The following ADGRG6 variants were observed in gnomAD, a reference collection of about 807,000 sequenced individuals.
ADGRG6 encodes adhesion G protein-coupled receptor G6.
ADGRG6 carries 84 observed loss-of-function variants against 142.4 expected under a neutral mutation model. That is an observed-to-expected ratio of 0.59 (90% CI 0.49 to 0.71). ADGRG6 has a LOEUF of 0.71. ADGRG6 is among the 30% of genes least tolerant of loss of function. ADGRG6 has a pLI of 0.00. For synonymous variants in ADGRG6, 521 were observed against 520.5 expected (o/e 1.00, Z -0.01); for missense variants, 1,367 against 1,466.6 (o/e 0.93, Z 1.11).
Position 142,367,742 on chromosome 6 carries a change from A to G in ADGRG6, c.277A>G (p.Asn93Asp). The G allele has an allele frequency of 6.2e-7, 1 of 1,613,944 alleles. No homozygotes were observed. The highest frequency in any genetic ancestry group is 8.5e-7 in the Non-Finnish European group (1 of 1,179,858). ...FNDFDIEEAP[N>D]CIYDSLSLDN... ...CGACTTTGACATTGAAGAAGCTCCC[A>G]ATTGCATTTATGACTCATTATCCCT... Residue 93 changes from asparagine (N) to aspartate (D), a missense_variant, in exon 3 of 25, where the codon AAT becomes GAT. Transcript: ENST00000367609.
intron 6 of ADGRG6, among the ~76,000 whole-genome samples, chr6:142,386,755 G>T (rs949874815): frequency 6.6e-6 from 1 of 152,084 alleles, no homozygotes; most frequent in African/African-American, 2.4e-5. Flanking sequence ...TCCAGTTCAG[G>T]GTAGCGGGTG....
At position 142,444,148 on chromosome 6, in the gene ADGRG6, A is replaced by G. The variant is rs1197117292; in HGVS notation, c.*633A>G. 2.0e-5 allele frequency: 3 copies of G among 152,246 alleles called. No individual in the cohort carries two copies. The highest frequency in any genetic ancestry group is 4.4e-5 in the Non-Finnish European group (3 of 68,046). The allele number at this position is 152,246 out of a possible 1,614,324, so 9.4% of individuals were successfully genotyped here. On this transcript the variant is annotated 3_prime_UTR_variant, in exon 25 of 25. Coordinates refer to ENST00000367609, the MANE Select transcript of ADGRG6 (RefSeq NM_198569.3). ...ACTTTCCCAAAATGTTGACCTAGTT[A>G]AATGAGGCTATATAAATTTCTAATA...
Position 142,340,526 on chromosome 6 carries a change from T to C in ADGRG6, c.104-27043T>C, listed in dbSNP as rs9484626. Among the ~76,000 whole-genome samples, 735 of 152,216 alleles carry C rather than the reference T, an allele frequency of 4.8e-3. 9 individuals carry two copies. The highest frequency in any genetic ancestry group is 0.017 in the African/African-American group (696 of 41,546). Reference sequence around the variant, plus strand: ...AGGTTACAGTGTATGTAATCATAAGTATGCACATATACATTGTGCAAATCC... The same window carrying C: ...AGGTTACAGTGTATGTAATCATAAGCATGCACATATACATTGTGCAAATCC... On this transcript the variant is annotated intron_variant, in intron 2 of 24. Transcript: ENST00000367609.
At chr6:142,412,011 A>G (rs975350611) in intron 18 of ADGRG6, among the ~76,000 whole-genome samples, 1 of 152,078 alleles carries the variant, frequency 6.6e-6, no homozygotes, top group African/African-American at 2.4e-5. Context: ...CCTCTATATC[A>G]TTCTTTCCTT....
At chr6:142,433,335 G>A (rs549115503) in intron 22 of ADGRG6, among the ~76,000 whole-genome samples, 11 of 152,186 alleles carry the variant, frequency 7.2e-5, no homozygotes, top group African/African-American at 2.4e-4. Context: ...TAACCAATTC[G>A]AATTATTTAT....
At chr6:142,409,597 A>G (rs1038220036) in intron 16 of ADGRG6, among the ~76,000 whole-genome samples, 2 of 152,132 alleles carry the variant, frequency 1.3e-5, no homozygotes, top group Non-Finnish European at 2.9e-5. Flanking sequence ...GCTAAGAATG[A>G]GAGTAGAATC....
intron 2 of ADGRG6, among the ~76,000 whole-genome samples, chr6:142,320,958 T>G (rs746300380): frequency 1.3e-5 from 2 of 151,958 alleles, no homozygotes; most frequent in Non-Finnish European, 2.9e-5. Flanking sequence ...GGTGCATATG[T>G]GTAACAACAC....
rs1459300720 is a variant in ADGRG6, at chr6:142,370,407, A to G, written c.683A>G (p.Asp228Gly). Residue 228 changes from aspartate (D) to glycine (G), a missense_variant, in exon 4 of 25, where the codon GAT (aspartate) becomes GGT (glycine). By Grantham distance (94) the Asp-to-Gly change is moderately conservative (BLOSUM62 -1). Around this residue, in one of 3 missense-constraint regions of ADGRG6, gnomAD observed 737 missense variants for 746.5 expected, o/e 0.99. Transcript: ENST00000367609. Reference protein sequence around the residue: ...AKSGYFLSISDSKCLLNNALP... With the variant: ...AKSGYFLSISGSKCLLNNALP... ...AGTGGCTACTTTCTATCCATTTCTG[A>G]TTCAAAATGTTTGTTGAATAATGCA... The G allele has an allele frequency of 1.2e-6, 2 of 1,613,662 alleles. No individual in the cohort carries two copies. Among genetic ancestry groups the G allele is most frequent in the Non-Finnish European group, 1.7e-6 (2 of 1,179,678 alleles).
At chr6:142,440,260 ATTTTG>A (rs1777688225) in intron 24 of ADGRG6, among the ~76,000 whole-genome samples, 1 of 152,008 alleles carries the variant, frequency 6.6e-6, no homozygotes, top group Non-Finnish European at 1.5e-5. Flanking sequence ...TCTGTTCTTC[ATTTTG>A]TTTTATTTCA....
chr6:142,420,973 T>C (rs1189387227), intron 22 of ADGRG6, among the ~76,000 whole-genome samples: 2 of 152,158 alleles, frequency 1.3e-5, no homozygotes, highest in African/African-American at 4.8e-5. Flanking sequence ...TGCAAATGGC[T>C]TAACTGAAGC....
rs1777251074 is a variant in ADGRG6, at chr6:142,302,163, C to G, written c.-167C>G. The G allele has an allele frequency of 1.5e-6, 1 of 673,938 alleles. No individual in the cohort carries two copies. Among genetic ancestry groups the G allele is most frequent in the Non-Finnish European group, 2.4e-6 (1 of 410,488 alleles). 41.7% of individuals were successfully genotyped at this position (673,938 alleles called of 1,614,324 possible). On this transcript the variant is annotated 5_prime_UTR_variant, in exon 1 of 25. Transcript: ENST00000367609. Reference sequence around the variant, plus strand: ...GCCGCGCCCAGGGTTCACCTTGCGCCGTCGGGAAAGCCCATGAACTCTCCA... The same window carrying G: ...GCCGCGCCCAGGGTTCACCTTGCGCGGTCGGGAAAGCCCATGAACTCTCCA...
chr6:142,313,391 A>G (rs542152964), intron 2 of ADGRG6, among the ~76,000 whole-genome samples: 1 of 152,192 alleles, frequency 6.6e-6, no homozygotes, highest in Admixed American at 6.6e-5. Flanking sequence ...TATGGATTCA[A>G]GTAGAGTGGG....
chr6:142,341,510 TACTAC>T (rs1779635120), intron 2 of ADGRG6, among the ~76,000 whole-genome samples: 4 of 118,410 alleles, frequency 3.4e-5, no homozygotes, highest in African/African-American at 1.3e-4. Flanking sequence ...ATAGTATATA[TACTAC>T]ATAATATTAT....
intron 5 of ADGRG6, 146 bp from the exon 6 acceptor site, chr6:142,383,614 T>C (rs149846833): frequency 1.5e-5 from 9 of 586,252 alleles, no homozygotes; most frequent in African/African-American, 1.1e-4. Flanking sequence ...CTTCATCTTA[T>C]ACATTACAAC....
rs563611853 is a variant in ADGRG6, at chr6:142,312,719, T to TA, written c.103+3082dup. Among the ~76,000 whole-genome samples the TA allele has an allele frequency of 7.3e-4, 111 of 151,954 alleles. 1 individual carries two copies. In the South Asian group the frequency reaches 9.1e-3, roughly 12 times the overall value. On this transcript the variant is annotated intron_variant, in intron 2 of 24. Transcript: ENST00000367609. ...ACATGTAGGCATATACCCTATAAAA[T>TA]AAAAAAACATAAATATGTAGAGAAA...
At chr6:142,438,580 A>G (rs1186290467) in intron 24 of ADGRG6, among the ~76,000 whole-genome samples, 1 of 152,228 alleles carries the variant, frequency 6.6e-6, no homozygotes, top group Non-Finnish European at 1.5e-5. Context: ...AACCATAATA[A>G]TTCACTCTGT....
chr6:142,358,769 G>A (rs534876695), intron 2 of ADGRG6, among the ~76,000 whole-genome samples: 1 of 152,172 alleles, frequency 6.6e-6, no homozygotes, highest in Admixed American at 6.5e-5. Context: ...GCTGGGCATG[G>A]TGGCACATGC....
At chr6:142,400,410 T>C (rs1775450436) in intron 10 of ADGRG6, 75 bp from the exon 11 acceptor site, 3 of 723,850 alleles carry the variant, frequency 4.1e-6, no homozygotes, top group Non-Finnish European at 7.5e-6. Flanking sequence ...TCATTTTGCT[T>C]TCATCCTGCA....
chr6:142,310,503 C>CA (rs1352788735), intron 2 of ADGRG6, among the ~76,000 whole-genome samples: 1 of 151,380 alleles, frequency 6.6e-6, no homozygotes, highest in Non-Finnish European at 1.5e-5. Context: ...GGAATTTAAT[C>CA]AAGATTTATT....
Sources: gnomAD v4.1 joint callset for allele counts (sites outside exome capture counted in the v4.1 genomes callset) on GRCh38, gnomAD v4.1.1 for gene constraint, gnomAD v4.1.1 regional missense constraint, MANE v1.5 for transcripts, NCBI Gene and HGNC (gene_info 2026-07-23, HGNC 2026-07-21) for gene names.